ZNF681: variants seen among roughly 807,000 people sequenced by gnomAD.
ZNF681 encodes zinc finger protein 681, also known as hypothetical protein FLJ31526.
ZNF681 carries 37 observed loss-of-function variants against 56.0 expected under a neutral mutation model. The ratio of observed to expected loss-of-function variants is 0.66; its 90% confidence interval spans 0.51 to 0.87. ZNF681 has a LOEUF of 0.87. Ranked by LOEUF, ZNF681 falls within the 40% of genes least tolerant of loss-of-function variation. The pLI, the probability that ZNF681 is intolerant of heterozygous loss-of-function variation, is 0.00. For synonymous variants in ZNF681, 225 were observed against 248.6 expected (o/e 0.91, Z 0.89); for missense variants, 741 against 744.9 (o/e 0.99, Z 0.06).
In ZNF681 at chr19:23,742,005, T is replaced by C. The variant is rs1466639015; in HGVS notation, c.*1607A>G. On this transcript the variant is annotated 3_prime_UTR_variant, in exon 4 of 4. Transcript: ENST00000402377. ...CAAAACAGATTACTAGAAATGTTAG[T>C]CCATTATCTTATTAAATAGTGTATA... is the stretch of plus-strand genomic sequence containing the variant. The C allele has an allele frequency of 6.6e-6, 1 of 152,104 alleles. No homozygotes were observed. Among genetic ancestry groups the C allele is most frequent in the Non-Finnish European group, 1.5e-5 (1 of 68,018 alleles). The allele number at this position is 152,104 out of a possible 1,614,324, so 9.4% of individuals were successfully genotyped here.
chr19:23,745,071 T>C lies in ZNF681; in HGVS notation c.479A>G (p.His160Arg). 1 of 1,599,206 alleles carries C rather than the reference T, an allele frequency of 6.3e-7. No homozygotes were observed. The highest frequency in any genetic ancestry group is 8.5e-7 in the Non-Finnish European group (1 of 1,172,220). Residue 160 changes from histidine (H) to arginine (R), a missense_variant, in exon 4 of 4, where the codon CAT (histidine) becomes CGT (arginine). Transcript: ENST00000402377. Reference sequence around the variant, plus strand: ...TTTTTTTCTGGTGTGTCTTACCTTATGTCCATTTAAATTTGAAAATTTATG... The same window carrying C: ...TTTTTTTCTGGTGTGTCTTACCTTACGTCCATTTAAATTTGAAAATTTATG... The part of the protein sequence containing the change: ...IFHKFSNLNG[H>R]KVRHTRKKPF...
At chr19:23,745,422 T>C in intron 3 of ZNF681, 99 bp from the exon 4 acceptor site, 1 of 1,002,942 alleles carries the variant, frequency 1.0e-6, no homozygotes, top group South Asian at 3.0e-5. Flanking sequence ...ATAAGCAAGA[T>C]GGTATAGCAA....
chr19:23,758,874 C>T lies in ZNF681; in HGVS notation c.-125G>A, dbSNP rs1005850280. 2.2e-6 allele frequency: 3 copies of T among 1,370,910 alleles called. No individual in the cohort carries two copies. The African/African-American group carries it at 4.3e-5, about 20-fold the overall frequency. The allele number at this position is 1,370,910 out of a possible 1,614,324, so 84.9% of individuals were successfully genotyped here. On this transcript the variant is annotated 5_prime_UTR_variant, in exon 1 of 4. Transcript: ENST00000402377. ...AGCAGTGAAGACGAGACCCGGAGCT[C>T]GGGCTGAAGGGAGAGACAAAGGCCC...
At chr19:23,746,245 C>T (rs141928906) in intron 3 of ZNF681, among the ~76,000 whole-genome samples, 1,692 of 151,610 alleles carry the variant, frequency 0.011, 35 homozygotes, top group African/African-American at 0.039. Context: ...ATCTGGGAGA[C>T]GGAGGTTGCA....
chr19:23,744,656 A>G lies in ZNF681; in HGVS notation c.894T>C (p.Thr298=), dbSNP rs1343603987. ...DKAFNQSLTL[T]THKIIHTREK... The stretch of plus-strand genomic sequence containing the variant: ...CTCTGGTATGAATTATCTTATGTGT[A>G]GTAAGGGTTAAGGACTGATTAAAGG... The change falls in exon 4 of 4, where the codon ACT becomes ACC. Residue 298 remains threonine (T), a synonymous_variant. Transcript: ENST00000402377. 6.3e-7 allele frequency: 1 copy of G among 1,596,354 alleles called. No homozygotes were observed. The highest frequency in any genetic ancestry group is 8.6e-7 in the Non-Finnish European group (1 of 1,167,532).
chr19:23,751,776 C>A (rs910375597), intron 3 of ZNF681, among the ~76,000 whole-genome samples: 6 of 152,150 alleles, frequency 3.9e-5, no homozygotes, highest in Non-Finnish European at 7.3e-5. Flanking sequence ...ACCTCTGCCT[C>A]CCGGGTTTAT....
chr19:23,751,082 C>A (rs1190054428), intron 3 of ZNF681, among the ~76,000 whole-genome samples: 3 of 138,686 alleles, frequency 2.2e-5, no homozygotes, highest in Non-Finnish European at 4.6e-5. Flanking sequence ...TGAGCCAAGA[C>A]TGCGCCATTG....
rs138302317 is a variant in ZNF681 at position 23,752,738 on chromosome 19, G to A, written c.226+2085C>T. 1.8e-3 allele frequency among the ~76,000 whole-genome samples: 275 copies of A among 152,218 alleles called. 1 individual carries two copies. The highest frequency in any genetic ancestry group is 6.3e-3 in the African/African-American group (263 of 41,536). ...CCAGAGGGCATCTCATTACCCTGGG[G>A]GCCCAACAAAAGACCTTTACCTTCT... On this transcript the variant is annotated intron_variant, in intron 3 of 3. Transcript: ENST00000402377.
At chr19:23,755,735 A>G (rs2144854759) in intron 1 of ZNF681, among the ~76,000 whole-genome samples, 184 bp from the exon 2 acceptor site, 1 of 152,334 alleles carries the variant, frequency 6.6e-6, no homozygotes, top group Non-Finnish European at 1.5e-5. Context: ...ACACAGGAAC[A>G]TTCTCTAATT....
chr19:23,752,753 C>T (rs1386387963), intron 3 of ZNF681, among the ~76,000 whole-genome samples: 1 of 151,986 alleles, frequency 6.6e-6, no homozygotes, highest in East Asian at 1.9e-4. Flanking sequence ...AACAAAAGAC[C>T]TTTACCTTCT....
At chr19:23,747,907 A>G (rs1968969108) in intron 3 of ZNF681, among the ~76,000 whole-genome samples, 1 of 152,122 alleles carries the variant, frequency 6.6e-6, no homozygotes, top group Non-Finnish European at 1.5e-5. Flanking sequence ...CTTTGCCATG[A>G]GCACACAATA....
At chr19:23,747,912 A>C (rs1466322666) in intron 3 of ZNF681, among the ~76,000 whole-genome samples, 4 of 152,128 alleles carry the variant, frequency 2.6e-5, no homozygotes, top group African/African-American at 9.7e-5. Flanking sequence ...CCATGAGCAC[A>C]CAATAGAGAA....
chr19:23,746,918 G>A (rs1214815467), intron 3 of ZNF681, among the ~76,000 whole-genome samples: 1 of 152,150 alleles, frequency 6.6e-6, no homozygotes, highest in African/African-American at 2.4e-5. Flanking sequence ...GGGGCCAGAA[G>A]TTTGAGACCA....
intron 1 of ZNF681, among the ~76,000 whole-genome samples, chr19:23,757,063 C>T (rs1352947458): frequency 6.6e-6 from 1 of 151,668 alleles, no homozygotes; most frequent in Non-Finnish European, 1.5e-5. Context: ...TAGAGATGGG[C>T]TTTCACCATG....
At position 23,740,765 on chromosome 19, in the gene ZNF681, A is replaced by G. The variant is rs1968865937; in HGVS notation, c.*2847T>C. The G allele has an allele frequency of 6.6e-6, 1 of 152,206 alleles. No individual in the cohort carries two copies. Among genetic ancestry groups the G allele is most frequent in the Non-Finnish European group, 1.5e-5 (1 of 68,014 alleles). The allele number at this position is 152,206 out of a possible 1,614,324, so 9.4% of individuals were successfully genotyped here. On this transcript the variant is annotated 3_prime_UTR_variant, in exon 4 of 4. Transcript: ENST00000402377. Reference sequence around the variant, plus strand: ...TACAGCGTTCTCCAATTAAAAGAACAAAATAAAATATTCTAACAACATAAA... The same window carrying G: ...TACAGCGTTCTCCAATTAAAAGAACGAAATAAAATATTCTAACAACATAAA...
Position 23,754,826 on chromosome 19 carries a change from G to C in ZNF681, c.223C>G (p.Pro75Ala). 6.2e-7 allele frequency: 1 copy of C among 1,613,612 alleles called. No individual in the cohort carries two copies. Among genetic ancestry groups the C allele is most frequent in the Non-Finnish European group, 8.5e-7 (1 of 1,179,716 alleles). ...RKRHRMVAEP[P>A]VICSHFAQDF... ...ATTCACTTTCACTCTCACCTACCTGGGGGTTCGGCCACCATCCTATGTCTC... is the reference window on the plus strand; with the variant it reads ...ATTCACTTTCACTCTCACCTACCTGCGGGTTCGGCCACCATCCTATGTCTC... Residue 75 changes from proline to alanine, a missense_variant, in exon 3 of 4, where the codon CCA (proline) becomes GCA (alanine). Physicochemically the swap from Pro to Ala is conservative, Grantham distance 27 (BLOSUM62 -1). Transcript: ENST00000402377.
At chr19:23,750,524 T>C (rs115305110) in intron 3 of ZNF681, among the ~76,000 whole-genome samples, 1,787 of 151,756 alleles carry the variant, frequency 0.012, 39 homozygotes, top group African/African-American at 0.04. Context: ...AAGAAACTAA[T>C]ATTAAGAAAC....
intron 3 of ZNF681, among the ~76,000 whole-genome samples, chr19:23,749,421 G>A (rs561104828): frequency 6.6e-6 from 1 of 152,230 alleles, no homozygotes; most frequent in East Asian, 1.9e-4. Flanking sequence ...ATAACAATGT[G>A]AATACACTTA....
chr19:23,743,726 A>C lies in ZNF681; in HGVS notation c.1824T>G (p.His608Gln). Residue 608 changes from histidine to glutamine, a missense_variant, in exon 4 of 4, where the codon CAT (histidine) becomes CAG (glutamine). Transcript: ENST00000402377. ...AFNQSSNLTG[H>Q]KKIHTGEKLY... ...GTTTCTCACCAGTATGAATTTTCTT[A>C]TGTCCAGTAAGGTTTGAGGACTGGT... is the stretch of plus-strand genomic sequence containing the variant. The C allele has an allele frequency of 6.2e-7, 1 of 1,612,996 alleles. No individual in the cohort carries two copies. The highest frequency in any genetic ancestry group is 8.5e-7 in the Non-Finnish European group (1 of 1,179,534).
Sources: gnomAD v4.1 joint callset for allele counts (sites outside exome capture counted in the v4.1 genomes callset) on GRCh38, gnomAD v4.1.1 for gene constraint, MANE v1.5 for transcripts, NCBI Gene and HGNC (gene_info 2026-07-23, HGNC 2026-07-21) for gene names.